Variants in PARP16 observed in about 807,000 individuals in gnomAD.
PARP16 encodes the protein protein mono-ADP-ribosyltransferase PARP16.
A neutral mutation model predicts 35.0 loss-of-function variants in PARP16; 31 were observed. The observed-to-expected ratio is 0.88, with a 90% CI of 0.66 to 1.19. The LOEUF is 1.19. PARP16 is among the 50% of genes most tolerant of loss of function. The probability of loss-of-function intolerance (pLI) is 0.00; values close to 1 mark genes in which losing one functional copy is unlikely to be tolerated. For synonymous variants in PARP16, 162 were observed against 169.5 expected (o/e 0.96, Z 0.34); for missense variants, 424 against 411.2 (o/e 1.03, Z -0.27).
intron 2 of PARP16, among the ~76,000 whole-genome samples, chr15:65,252,375 T>G (rs912667942): frequency 6.6e-6 from 1 of 152,236 alleles, no homozygotes; most frequent in African/African-American, 2.4e-5. Flanking sequence ...GTGCTAGTTT[T>G]AAATCCCTAC....
At chr15:65,262,840 C>T (rs534463672) in intron 4 of PARP16, among the ~76,000 whole-genome samples, 21 of 152,310 alleles carry the variant, frequency 1.4e-4, no homozygotes, top group Non-Finnish European at 2.6e-4. Flanking sequence ...ATCTCTCCTC[C>T]TCCCACAAAG....
intron 1 of PARP16, among the ~76,000 whole-genome samples, chr15:65,278,974 G>A (rs2090340588): frequency 6.6e-6 from 1 of 152,110 alleles, no homozygotes; most frequent in South Asian, 2.1e-4. Flanking sequence ...GGACACCACA[G>A]GTACAATTTG....
chr15:65,273,103 C>A (rs934075437), intron 1 of PARP16, among the ~76,000 whole-genome samples: 3 of 151,612 alleles, frequency 2.0e-5, no homozygotes, highest in African/African-American at 7.3e-5. Flanking sequence ...CATGGTGAAA[C>A]CCCATCTCTA....
At chr15:65,251,143 CA>C (rs1359243197) in intron 2 of PARP16, among the ~76,000 whole-genome samples, 1 of 152,138 alleles carries the variant, frequency 6.6e-6, no homozygotes, top group African/African-American at 2.4e-5. Flanking sequence ...TTCAGCCTCC[CA>C]AAGTGCTGGG....
rs2090600977 is a variant in PARP16 at position 65,286,458 on chromosome 15, C to T, written c.-32G>A. ...TCACTGCGCGTTGCCGGGGTAGACG[C>T]GCTGGTTAGGGGCAAGGGCGAGCGT... On this transcript the variant is annotated 5_prime_UTR_variant, in exon 1 of 6. Coordinates refer to ENST00000649807, the MANE Select transcript of PARP16 (RefSeq NM_001316943.2). The T allele has an allele frequency of 7.0e-7, 1 of 1,435,140 alleles. No individual in the cohort carries two copies. The highest frequency in any genetic ancestry group is 1.4e-5 in the South Asian group (1 of 69,166). The allele number at this position is 1,435,140 out of a possible 1,614,324, so 88.9% of individuals were successfully genotyped here.
At chr15:65,265,288 C>T (rs905309501) in intron 3 of PARP16, among the ~76,000 whole-genome samples, 2 of 152,202 alleles carry the variant, frequency 1.3e-5, no homozygotes, top group African/African-American at 2.4e-5. Flanking sequence ...TTCCTTGGTA[C>T]TTAGTACACA....
Position 65,266,713 on chromosome 15 carries a change from T to A in PARP16, c.368A>T (p.Asp123Val). The A allele has an allele frequency of 6.2e-7, 1 of 1,614,104 alleles. No individual in the cohort carries two copies. The highest frequency in any genetic ancestry group is 1.1e-5 in the South Asian group (1 of 91,084). The change falls in exon 3 of 6, where the codon GAC becomes GTC. Residue 123 changes from aspartate (D) to valine (V), a missense_variant. Asp to Val is a radical substitution (Grantham distance 152). Transcript: ENST00000649807. ...AAAGTACTCAATTTCAAACAGGAAGTCCGGTGCAGGAACAGGCGTGTGAGG... is the reference window on the plus strand; with the variant it reads ...AAAGTACTCAATTTCAAACAGGAAGACCGGTGCAGGAACAGGCGTGTGAGG... ...GAPHTPVPAP[D>V]FLFEIEYFDP... is the part of the protein sequence containing the mutation.
At chr15:65,247,841 G>C (rs1196948215) in intron 3 of PARP16, among the ~76,000 whole-genome samples, 1 of 79,482 alleles carries the variant, frequency 1.3e-5, no homozygotes, top group Non-Finnish European at 2.3e-5. Context: ...GTCTTGCTTT[G>C]TTGCCTAGGC....
chr15:65,249,324 G>A (rs1218305575), intron 2 of PARP16, among the ~76,000 whole-genome samples: 2 of 152,236 alleles, frequency 1.3e-5, no homozygotes, highest in Non-Finnish European at 2.9e-5. Context: ...GCCCCTGGGC[G>A]GGGGTGAAGG....
downstream of PARP16, among the ~76,000 whole-genome samples, chr15:65,234,309 T>C (rs1233616034): frequency 6.6e-6 from 1 of 152,168 alleles, no homozygotes; most frequent in Non-Finnish European, 1.5e-5. Context: ...AGCCTCTCCA[T>C]GTTTCCTGTC....
intron 2 of PARP16, among the ~76,000 whole-genome samples, chr15:65,270,272 TG>T (rs2090050778): frequency 6.6e-6 from 1 of 152,244 alleles, no homozygotes; most frequent in Non-Finnish European, 1.5e-5. Flanking sequence ...AATTATGGAA[TG>T]TCTGACTTGT....
At chr15:65,276,932 A>T (rs2140948533) in intron 1 of PARP16, among the ~76,000 whole-genome samples, 1 of 151,874 alleles carries the variant, frequency 6.6e-6, no homozygotes, top group South Asian at 2.1e-4. Context: ...CAGTGAACCG[A>T]GATCACGCCA....
At chr15:65,269,190 T>TCTCTCTCTCTCTCTCTCTCTCTCTCTCTC (rs58433603) in intron 2 of PARP16, among the ~76,000 whole-genome samples, 2 of 148,064 alleles carry the variant, frequency 1.4e-5, no homozygotes, top group African/African-American at 5.2e-5. Context: ...CTTTCTTTCT[T>TCTCTCTCTCTCTCTCTCTCTCTCTCTCTC]TCTTTCTTTC....
chr15:65,280,695 G>C (rs1283552453), intron 1 of PARP16, among the ~76,000 whole-genome samples: 1 of 152,150 alleles, frequency 6.6e-6, no homozygotes, highest in African/African-American at 2.4e-5. Context: ...AACAAAGATG[G>C]AAATGGCATC....
chr15:65,250,831 CA>C, intron 2 of PARP16, among the ~76,000 whole-genome samples: 1 of 152,236 alleles, frequency 6.6e-6, no homozygotes, highest in East Asian at 1.9e-4. Flanking sequence ...CAGAAGGCCC[CA>C]AAACACAGTG....
Position 65,286,267 on chromosome 15 carries a change from C to G in PARP16, c.160G>C (p.Asp54His). Residue 54 changes from aspartate (D) to histidine (H), a missense_variant, in exon 1 of 6, where the codon GAC (aspartate) becomes CAC (histidine). Coordinates refer to ENST00000649807, the MANE Select transcript of PARP16 (RefSeq NM_001316943.2). The stretch of plus-strand genomic sequence containing the variant: ...AGCACACTCACCAGGGCTTCAAAGT[C>G]CTTACAGTCGCCGCGGGCGTAGGAC... ...PASYARGDCK[D>H]FEALLADASK... 6.3e-7 allele frequency: 1 copy of G among 1,588,294 alleles called. No individual in the cohort carries two copies. Among genetic ancestry groups the G allele is most frequent in the Non-Finnish European group, 8.5e-7 (1 of 1,169,736 alleles).
At chr15:65,267,934 AC>A (rs2089961063) in intron 2 of PARP16, among the ~76,000 whole-genome samples, 1 of 151,108 alleles carries the variant, frequency 6.6e-6, no homozygotes, top group African/African-American at 2.4e-5. Context: ...CTCGTGATCC[AC>A]CCGCCTCAGC....
At chr15:65,280,211 C>T (rs999329159) in intron 1 of PARP16, among the ~76,000 whole-genome samples, 1 of 151,836 alleles carries the variant, frequency 6.6e-6, no homozygotes, top group Admixed American at 6.6e-5. Context: ...TTGAGACAGG[C>T]GGATTGCTTG....
intron 1 of PARP16, among the ~76,000 whole-genome samples, chr15:65,272,340 C>T (rs908897533): frequency 6.6e-6 from 1 of 152,188 alleles, no homozygotes; most frequent in African/African-American, 2.4e-5. Context: ...GAATCGGAAT[C>T]CTGAAACATA....
Sources: gnomAD v4.1 joint callset for allele counts (sites outside exome capture counted in the v4.1 genomes callset) on GRCh38, gnomAD v4.1.1 for gene constraint, MANE v1.5 for transcripts, NCBI Gene and HGNC (gene_info 2026-07-23, HGNC 2026-07-21) for gene names.